CHD6: variants seen among roughly 807,000 people sequenced by gnomAD.
CHD6 encodes the protein ATP-dependent chromatin remodeler CHD6.
CHD6 carries 50 observed loss-of-function variants against 276.9 expected under a neutral mutation model. The ratio of observed to expected loss-of-function variants is 0.18; its 90% CI spans 0.14 to 0.23. The LOEUF is 0.23. Among genes scored for constraint, CHD6 ranks in the 10% least tolerant of loss-of-function variants. The pLI is 1.00. For missense variants in CHD6, 2,564 were observed against 3,365.8 expected, an observed-to-expected ratio of 0.76 and a Z score of 5.89; for synonymous variants, 1,173 against 1,229.3, an observed-to-expected ratio of 0.95 and a Z score of 0.96.
intron 26 of CHD6, among the ~76,000 whole-genome samples, chr20:41,439,417 T>C (rs2047829031): frequency 6.6e-6 from 1 of 152,218 alleles, no homozygotes. Flanking sequence ...CTACAATTTT[T>C]AGCTGTTTAG....
chr20:41,417,794 A>G (rs565485776), intron 31 of CHD6, among the ~76,000 whole-genome samples: 74 of 152,366 alleles, frequency 4.9e-4, no homozygotes, highest in Non-Finnish European at 7.6e-4. Context: ...AAAGTCATGA[A>G]GCTTACAACA....
At chr20:41,416,309 C>T (rs2046994407) in intron 33 of CHD6, among the ~76,000 whole-genome samples, 1 of 152,186 alleles carries the variant, frequency 6.6e-6, no homozygotes, top group African/African-American at 2.4e-5. Context: ...TAGAACCTCT[C>T]TTTATCAGTT....
intron 11 of CHD6, 31 bp from the exon 12 acceptor site, chr20:41,490,052 T>C (rs1416731449): frequency 6.3e-7 from 1 of 1,599,492 alleles, no homozygotes; most frequent in Admixed American, 1.7e-5. Flanking sequence ...AGGTAATTCA[T>C]TATCAATATA....
intron 23 of CHD6, among the ~76,000 whole-genome samples, chr20:41,449,423 T>G (rs1569090100): frequency 6.6e-6 from 1 of 152,164 alleles, no homozygotes; most frequent in Admixed American, 6.5e-5. Context: ...TCCATTTCTA[T>G]AAAGAGAAAC....
chr20:41,605,296 C>G (rs984024665), intron 1 of CHD6, among the ~76,000 whole-genome samples: 30 of 152,240 alleles, frequency 2.0e-4, no homozygotes, highest in African/African-American at 7.2e-4. Context: ...GACTATAAAT[C>G]CTTTAAGTAT....
intron 1 of CHD6, among the ~76,000 whole-genome samples, chr20:41,574,421 T>G (rs2045451863): frequency 6.6e-6 from 1 of 152,186 alleles, no homozygotes; most frequent in Non-Finnish European, 1.5e-5. Context: ...TTGGGTATTA[T>G]TTAGTCACTC....
chr20:41,512,382 A>G (rs939709700), intron 5 of CHD6, among the ~76,000 whole-genome samples: 3 of 152,082 alleles, frequency 2.0e-5, no homozygotes, highest in Non-Finnish European at 2.9e-5. Flanking sequence ...CTGAAACAGA[A>G]TATCATTGGG....
chr20:41,605,787 C>T (rs1262228881), intron 1 of CHD6, among the ~76,000 whole-genome samples: 1 of 152,092 alleles, frequency 6.6e-6, no homozygotes, highest in Non-Finnish European at 1.5e-5. Flanking sequence ...TCTCTATCTA[C>T]TTTCATTCCT....
intron 1 of CHD6, among the ~76,000 whole-genome samples, chr20:41,603,897 T>C (rs547130990): frequency 3.4e-4 from 52 of 152,088 alleles, no homozygotes; most frequent in East Asian, 1.9e-4. Context: ...AAAGAATTCA[T>C]TTCATGAAGC....
chr20:41,457,697 T>G (rs1435245637), intron 17 of CHD6, among the ~76,000 whole-genome samples: 1 of 152,218 alleles, frequency 6.6e-6, no homozygotes, highest in African/African-American at 2.4e-5. Flanking sequence ...GCCCCCGCCC[T>G]GCTGTGGTCT....
At chr20:41,414,164 C>CT (rs1484919286) in intron 34 of CHD6, 2 of 152,200 alleles carry the variant, frequency 1.3e-5, no homozygotes, top group Non-Finnish European at 2.9e-5. Context: ...GAACGTGTCA[C>CT]TTCAGCTTCC....
chr20:41,598,420 C>T (rs2045740678), intron 1 of CHD6, among the ~76,000 whole-genome samples: 1 of 152,102 alleles, frequency 6.6e-6, no homozygotes, highest in South Asian at 2.1e-4. Context: ...GCCTGGCTAG[C>T]ACGGATTAAA....
intron 1 of CHD6, among the ~76,000 whole-genome samples, chr20:41,610,662 G>A (rs2045877574): frequency 6.6e-6 from 1 of 152,146 alleles, no homozygotes; most frequent in South Asian, 2.1e-4. Flanking sequence ...TCCGGAGGCT[G>A]AGGCAGAATG....
Position 41,405,451 on chromosome 20 carries a change from A to G in CHD6, c.7290T>C (p.Ala2430=), listed in dbSNP as rs777294325. The change falls in exon 37 of 37, where the codon GCT becomes GCC. Residue 2430 remains alanine (A), a synonymous_variant. Transcript: ENST00000373233. The part of the protein sequence containing the change: ...LPENKFNHTL[A]EPILRDTGPR... ...GGCCCGTATCTCGAAGAATAGGCTC[A>G]GCCAGAGTGTGATTGAACTTGTTTT... 6 of 1,578,852 alleles carry G rather than the reference A, an allele frequency of 3.8e-6. No homozygotes were observed. In the Admixed American group the frequency reaches 7.5e-5, roughly 20 times the overall value.
chr20:41,404,967 G>C lies in CHD6; in HGVS notation c.7774C>G (p.Pro2592Ala), dbSNP rs1206009110. ...TLAEDKPGPG[P>A]FSDQSEPAIT... ...GCAGGTTCAGACTGATCAGAAAATGGACCTGGACCAGGCTTGTCCTCAGCT... is the reference window on the plus strand; with the variant it reads ...GCAGGTTCAGACTGATCAGAAAATGCACCTGGACCAGGCTTGTCCTCAGCT... The change falls in exon 37 of 37, where the codon CCA (proline) becomes GCA (alanine). Residue 2592 changes from proline (P) to alanine (A), a missense_variant. This residue lies in a region of CHD6 where 238 missense variants were observed against 266.0 expected (regional missense o/e 0.89). Transcript: ENST00000373233. 6.2e-7 allele frequency: 1 copy of C among 1,614,096 alleles called. No homozygotes were observed. Among genetic ancestry groups the C allele is most frequent in the Non-Finnish European group, 8.5e-7 (1 of 1,180,050 alleles).
chr20:41,502,282 T>A (rs1237281915), intron 5 of CHD6, among the ~76,000 whole-genome samples: 1 of 152,226 alleles, frequency 6.6e-6, no homozygotes, highest in Non-Finnish European at 1.5e-5. Flanking sequence ...TTAATATATT[T>A]CACTTAAACC....
chr20:41,493,528 A>G lies in CHD6; in HGVS notation c.1314+10T>C. The G allele has an allele frequency of 6.2e-7, 1 of 1,613,022 alleles. No individual in the cohort carries two copies. The highest frequency in any genetic ancestry group is 8.5e-7 in the Non-Finnish European group (1 of 1,179,374). On this transcript the variant is annotated intron_variant, in intron 10 of 36. Transcript: ENST00000373233. ...CCGAGAAGTGCCAGAGAGAGACAAA[A>G]CTACTTTACCACATGCTTAATTTCA... is the stretch of plus-strand genomic sequence containing the variant.
At chr20:41,565,000 A>G (rs1196051924) in intron 1 of CHD6, among the ~76,000 whole-genome samples, 1 of 152,218 alleles carries the variant, frequency 6.6e-6, no homozygotes, top group Non-Finnish European at 1.5e-5. Context: ...GTCCAAGAAG[A>G]CCAGTGAGTC....
intron 1 of CHD6, among the ~76,000 whole-genome samples, chr20:41,564,786 A>G (rs1467392362): frequency 6.6e-6 from 1 of 152,250 alleles, no homozygotes; most frequent in East Asian, 1.9e-4. Context: ...ATAGGTGAAG[A>G]GGAATCAGCA....
Sources: gnomAD v4.1 joint callset for allele counts (sites outside exome capture counted in the v4.1 genomes callset) on GRCh38, gnomAD v4.1.1 for gene constraint, gnomAD v4.1.1 regional missense constraint, MANE v1.5 for transcripts, NCBI Gene and HGNC (gene_info 2026-07-23, HGNC 2026-07-21) for gene names.